ENOPH1: variants seen among roughly 807,000 people sequenced by gnomAD.
The protein encoded by ENOPH1 is enolase-phosphatase 1.
In ENOPH1, 14 loss-of-function variants were observed where a neutral mutation model predicts 31.1. The ratio of observed to expected loss-of-function variants is 0.45; its 90% confidence interval spans 0.30 to 0.70. The LOEUF (loss-of-function observed/expected upper bound fraction) is 0.70, where lower values mean the gene tolerates loss of function less well. Among genes scored for constraint, ENOPH1 ranks in the 30% least tolerant of loss-of-function variants. The probability of loss-of-function intolerance (pLI) is 0.09; values close to 1 mark genes in which losing one functional copy is unlikely to be tolerated. For missense variants in ENOPH1, 243 were observed against 321.5 expected (o/e 0.76, Z 1.87); for synonymous variants, 127 against 123.2 (o/e 1.03, Z -0.21).
chr4:82,432,691 T>C (rs1378359244), intron 1 of ENOPH1, among the ~76,000 whole-genome samples: 2 of 151,732 alleles, frequency 1.3e-5, no homozygotes, highest in African/African-American at 4.8e-5. Context: ...AGTCTTGTTC[T>C]GTCTCCCAGG....
At chr4:82,438,225 T>G (rs947847542) in intron 1 of ENOPH1, among the ~76,000 whole-genome samples, 1 of 152,194 alleles carries the variant, frequency 6.6e-6, no homozygotes, top group African/African-American at 2.4e-5. Flanking sequence ...GAGTATGATA[T>G]AGAGAGTGAA....
chr4:82,433,298 C>T (rs1205366295), intron 1 of ENOPH1, among the ~76,000 whole-genome samples: 3 of 152,102 alleles, frequency 2.0e-5, no homozygotes, highest in Non-Finnish European at 2.9e-5. Flanking sequence ...ACATTATGAG[C>T]CACTTCTTGG....
intron 5 of ENOPH1, among the ~76,000 whole-genome samples, 167 bp downstream of exon 5, chr4:82,457,205 T>TAA (rs200636321): frequency 6.9e-6 from 1 of 144,722 alleles, no homozygotes; most frequent in African/African-American, 2.5e-5. Context: ...ATGTTTGAAT[T>TAA]AAAAAAAAAA....
At chr4:82,451,491 C>T (rs968230259) in intron 3 of ENOPH1, among the ~76,000 whole-genome samples, 6 of 152,138 alleles carry the variant, frequency 3.9e-5, no homozygotes, top group Non-Finnish European at 7.4e-5. Flanking sequence ...TCAAAGTCTC[C>T]GTTTAAAATA....
chr4:82,432,463 G>C (rs192789603), intron 1 of ENOPH1, among the ~76,000 whole-genome samples: 39 of 152,254 alleles, frequency 2.6e-4, no homozygotes, highest in Middle Eastern at 3.4e-3. Context: ...TTCTGTCGCA[G>C]CCTCTCCAGT....
At chr4:82,451,372 T>A in intron 3 of ENOPH1, 127 bp downstream of exon 3, 1 of 912,328 alleles carries the variant, frequency 1.1e-6, no homozygotes, top group Admixed American at 2.8e-5. Context: ...CTCTTTTTAG[T>A]CTAACAAGTG....
At chr4:82,431,195 G>C (rs558907758) in intron 1 of ENOPH1, among the ~76,000 whole-genome samples, 1 of 152,214 alleles carries the variant, frequency 6.6e-6, no homozygotes, top group Non-Finnish European at 1.5e-5. Context: ...CAGGTAAGCC[G>C]GGGCGGGGTG....
At position 82,457,052 on chromosome 4, in the gene ENOPH1, T is replaced by A. The variant is rs372261956; in HGVS notation, c.646+14T>A. 2.0e-5 allele frequency: 33 copies of A among 1,611,784 alleles called. No individual in the cohort carries two copies. The highest frequency in any genetic ancestry group is 2.7e-5 in the Non-Finnish European group (32 of 1,178,850). ...ATGTTACTCGAGGTGAGTAATAGAC[T>A]TCTTATATTATATACTCCAGGATAT... On this transcript the variant is annotated intron_variant, in intron 5 of 5. Transcript: ENST00000273920.
chr4:82,435,186 C>G (rs1036108598), intron 1 of ENOPH1, among the ~76,000 whole-genome samples: 7 of 152,170 alleles, frequency 4.6e-5, no homozygotes, highest in African/African-American at 1.7e-4. Flanking sequence ...ACCGCAACCT[C>G]GACCTCTCAG....
At chr4:82,457,452 C>T (rs1050919581) in intron 5 of ENOPH1, among the ~76,000 whole-genome samples, 3 of 152,088 alleles carry the variant, frequency 2.0e-5, no homozygotes, top group Non-Finnish European at 4.4e-5. Context: ...AGGTCGAGGC[C>T]GCAGTGAGCC....
rs1343532783 is a variant in ENOPH1, at chr4:82,430,850, C to T, written c.21C>T (p.Pro7=). 1.2e-6 allele frequency: 2 copies of T among 1,614,092 alleles called. No individual in the cohort carries two copies. The highest frequency in any genetic ancestry group is 8.5e-7 in the Non-Finnish European group (1 of 1,180,022). The change falls in exon 1 of 6, where the codon CCC becomes CCT. Residue 7 remains proline (P), a synonymous_variant. Coordinates refer to ENST00000273920, the MANE Select transcript of ENOPH1 (RefSeq NM_021204.5). ...GGGAAATGGTCGTGCTTTCGGTCCC[C>T]GCCGAAGTCACCGTGATCCTGTTAG... The part of the protein sequence containing the change: MVVLSV[P]AEVTVILLDI...
chr4:82,439,590 A>G (rs796861957), intron 1 of ENOPH1, among the ~76,000 whole-genome samples: 10 of 152,332 alleles, frequency 6.6e-5, no homozygotes, highest in African/African-American at 1.9e-4. Context: ...TCAAAAAGAA[A>G]GACCTGATTG....
At chr4:82,438,975 G>A (rs765382449) in intron 1 of ENOPH1, among the ~76,000 whole-genome samples, 1 of 152,194 alleles carries the variant, frequency 6.6e-6, no homozygotes, top group Non-Finnish European at 1.5e-5. Context: ...TGTTGGAGGT[G>A]CAGGTCAGAA....
At chr4:82,433,296 A>G (rs1471943432) in intron 1 of ENOPH1, among the ~76,000 whole-genome samples, 1 of 152,162 alleles carries the variant, frequency 6.6e-6, no homozygotes, top group Non-Finnish European at 1.5e-5. Flanking sequence ...TGACATTATG[A>G]GCCACTTCTT....
intron 1 of ENOPH1, 37 bp downstream of exon 1, chr4:82,430,950 T>C: frequency 6.4e-7 from 1 of 1,567,662 alleles, no homozygotes; most frequent in Non-Finnish European, 8.8e-7. Context: ...TTACTTTTCC[T>C]TAAAAACAGT....
rs1193174433 is a variant in ENOPH1 at position 82,437,914 on chromosome 4, C to T, written c.84+7001C>T. Among the ~76,000 whole-genome samples, 3 of 152,150 alleles carry T rather than the reference C, an allele frequency of 2.0e-5. No homozygotes were observed. In the South Asian group the frequency reaches 6.2e-4, roughly 32 times the overall value. ...CAATCCTTGCTATTTCAGATTTCCT[C>T]AAGGTGGTACTCTATTATATTTGAA... On this transcript the variant is annotated intron_variant, in intron 1 of 5. Transcript: ENST00000273920.
At chr4:82,437,842 C>T (rs946666193) in intron 1 of ENOPH1, among the ~76,000 whole-genome samples, 1 of 152,154 alleles carries the variant, frequency 6.6e-6, no homozygotes, top group African/African-American at 2.4e-5. Context: ...ATATGCATTC[C>T]GGAATGGGTG....
At chr4:82,456,736 CTG>C (rs1722500495) in intron 4 of ENOPH1, among the ~76,000 whole-genome samples, 177 bp from the exon 5 acceptor site, 1 of 152,158 alleles carries the variant, frequency 6.6e-6, no homozygotes, top group Non-Finnish European at 1.5e-5. Context: ...TTCCAAATGT[CTG>C]TTGCTATAAA....
At chr4:82,454,382 A>C (rs1056222817) in intron 3 of ENOPH1, among the ~76,000 whole-genome samples, 1 of 152,230 alleles carries the variant, frequency 6.6e-6, no homozygotes, top group African/African-American at 2.4e-5. Context: ...ATCAAAGATT[A>C]TATTATATCA....
Sources: gnomAD v4.1 joint callset for allele counts (sites outside exome capture counted in the v4.1 genomes callset) on GRCh38, gnomAD v4.1.1 for gene constraint, MANE v1.5 for transcripts, NCBI Gene and HGNC (gene_info 2026-07-23, HGNC 2026-07-21) for gene names.